The following GPR19 variants were observed in gnomAD, a reference collection of about 807,000 sequenced individuals.
GPR19 encodes G protein-coupled receptor 19, also known as probable G protein-coupled receptor 19.
GPR19 carries 14 observed loss-of-function variants against 28.5 expected under a neutral mutation model. That is an observed-to-expected ratio of 0.49 (90% CI 0.32 to 0.77). The LOEUF (loss-of-function observed/expected upper bound fraction) is 0.77. Among genes scored for constraint, GPR19 ranks in the 30% least tolerant of loss-of-function variants. GPR19 has a pLI of 0.03. For missense variants in GPR19, 409 were observed against 504.1 expected (o/e 0.81, Z 1.81); for synonymous variants, 173 against 184.1 (o/e 0.94, Z 0.49).
intron 3 of GPR19, among the ~76,000 whole-genome samples, chr12:12,665,055 A>G (rs1435765848): frequency 1.3e-5 from 2 of 152,034 alleles, no homozygotes; most frequent in Non-Finnish European, 2.9e-5. Context: ...TGTAAAACCT[A>G]TTAAACTTTT....
At chr12:12,713,765 C>T in the GPR19 span, among the ~76,000 whole-genome samples, 4 of 152,180 alleles carry the variant, frequency 2.6e-5, no homozygotes, top group Admixed American at 2.6e-4. Flanking sequence ...CTCCTGACAT[C>T]AAGTGATCCA....
At chr12:12,713,036 G>A in the GPR19 span, among the ~76,000 whole-genome samples, 11 of 148,628 alleles carry the variant, frequency 7.4e-5, no homozygotes, top group South Asian at 1.7e-3. Flanking sequence ...ATGCCTACCT[G>A]GTCCTATCTG....
the GPR19 span, among the ~76,000 whole-genome samples, chr12:12,712,888 C>T: frequency 1.3e-5 from 2 of 152,172 alleles, no homozygotes; most frequent in East Asian, 3.9e-4. Context: ...AGGACTCTGA[C>T]AAATATTTCT....
intron 3 of GPR19, among the ~76,000 whole-genome samples, chr12:12,665,975 C>T (rs745661748): frequency 5.9e-5 from 9 of 151,830 alleles, no homozygotes; most frequent in African/African-American, 1.9e-4. Context: ...CAGTTTTGCC[C>T]GGGTAAGGGG....
At chr12:12,711,654 T>C in the GPR19 span, among the ~76,000 whole-genome samples, 13 of 152,322 alleles carry the variant, frequency 8.5e-5, no homozygotes, top group African/African-American at 2.2e-4. Context: ...TGGATTTTGA[T>C]GGACTGGATC....
chr12:12,696,744 G>C (rs916122632), upstream of GPR19, among the ~76,000 whole-genome samples: 1 of 152,202 alleles, frequency 6.6e-6, no homozygotes, highest in Non-Finnish European at 1.5e-5. Context: ...GGTTCTCGCC[G>C]CCCCGAGCGC....
intron 3 of GPR19, among the ~76,000 whole-genome samples, chr12:12,666,774 A>G (rs1945786849): frequency 6.6e-6 from 1 of 152,222 alleles, no homozygotes; most frequent in African/African-American, 2.4e-5. Flanking sequence ...TGCCTCTGCT[A>G]GGAGAATTAA....
intron 3 of GPR19, among the ~76,000 whole-genome samples, chr12:12,665,301 C>A (rs1221880933): frequency 6.6e-6 from 1 of 152,128 alleles, no homozygotes; most frequent in Non-Finnish European, 1.5e-5. Context: ...AACTAAAGCC[C>A]GGAGGCGGGG....
chr12:12,677,211 T>C (rs937378204), intron 3 of GPR19, among the ~76,000 whole-genome samples: 1 of 150,846 alleles, frequency 6.6e-6, no homozygotes, highest in Non-Finnish European at 1.5e-5. Flanking sequence ...TTAATTTTTT[T>C]TTTTTTTTTT....
intron 2 of GPR19, among the ~76,000 whole-genome samples, chr12:12,687,007 T>C (rs1285015767): frequency 1.3e-5 from 2 of 152,238 alleles, no homozygotes; most frequent in Non-Finnish European, 2.9e-5. Context: ...GCCAAAGTTA[T>C]AATCACCAAA....
chr12:12,692,894 G>A lies in GPR19; in HGVS notation c.-180+2565C>T, dbSNP rs138340791. 9.0e-4 allele frequency among the ~76,000 whole-genome samples: 137 copies of A among 152,076 alleles called. 1 individual carries two copies. The South Asian group carries it at 0.014, about 15-fold the overall frequency. ...GACCAATCTGTCTAGCATTCCTATCGGTCCCAGGAAGATTCTCTGTCACTC... is the reference window on the plus strand; with the variant it reads ...GACCAATCTGTCTAGCATTCCTATCAGTCCCAGGAAGATTCTCTGTCACTC... On this transcript the variant is annotated intron_variant, in intron 2 of 3. Transcript: ENST00000651487.
intron 3 of GPR19, among the ~76,000 whole-genome samples, chr12:12,673,630 C>A (rs77979812): frequency 6.6e-6 from 1 of 152,244 alleles, no homozygotes; most frequent in Non-Finnish European, 1.5e-5. Flanking sequence ...ACAGGAAGTC[C>A]GCCATAACAT....
the GPR19 span, among the ~76,000 whole-genome samples, chr12:12,709,010 T>C: frequency 2.8e-3 from 424 of 150,480 alleles, no homozygotes; most frequent in Non-Finnish European, 3.7e-3. Context: ...ATCACGCCAC[T>C]GCACTCCAGA....
the GPR19 span, among the ~76,000 whole-genome samples, chr12:12,714,714 G>A: frequency 6.6e-6 from 1 of 152,172 alleles, no homozygotes; most frequent in African/African-American, 2.4e-5. Flanking sequence ...GCTTGCAGCT[G>A]CCCACTTTGC....
At chr12:12,709,325 C>G in the GPR19 span, among the ~76,000 whole-genome samples, 1 of 151,950 alleles carries the variant, frequency 6.6e-6, no homozygotes, top group African/African-American at 2.4e-5. Flanking sequence ...TCGGGGCTGT[C>G]TGTCTTCCTA....
chr12:12,709,591 C>T, the GPR19 span, among the ~76,000 whole-genome samples: 1 of 152,052 alleles, frequency 6.6e-6, no homozygotes, highest in Non-Finnish European at 1.5e-5. Flanking sequence ...AGGCACATGC[C>T]ACCACACCTG....
chr12:12,691,282 T>A (rs1420407393), intron 2 of GPR19, among the ~76,000 whole-genome samples: 2 of 152,198 alleles, frequency 1.3e-5, no homozygotes, highest in African/African-American at 4.8e-5. Flanking sequence ...TCTTGGTGCA[T>A]CTGTTTCTAA....
chr12:12,669,286 G>A (rs1346581217), intron 3 of GPR19, among the ~76,000 whole-genome samples: 1 of 152,172 alleles, frequency 6.6e-6, no homozygotes, highest in Admixed American at 6.5e-5. Context: ...GAGTGTGAGA[G>A]TATTGGCATT....
chr12:12,698,845 C>T (rs1946297276), upstream of GPR19, among the ~76,000 whole-genome samples: 1 of 151,808 alleles, frequency 6.6e-6, no homozygotes, highest in Admixed American at 6.6e-5. Flanking sequence ...TTCCTGACCT[C>T]GTGATCCGCC....
Sources: gnomAD v4.1 joint callset for allele counts (sites outside exome capture counted in the v4.1 genomes callset) on GRCh38, gnomAD v4.1.1 for gene constraint, MANE v1.5 for transcripts, NCBI Gene and HGNC (gene_info 2026-07-23, HGNC 2026-07-21) for gene names.